The following EYS variants were observed in gnomAD, a reference collection of about 807,000 sequenced individuals.
The protein encoded by EYS is protein eyes shut homolog.
A neutral mutation model predicts 282.1 loss-of-function variants in EYS; 250 were observed. The observed-to-expected ratio is 0.89, with a 90% CI of 0.80 to 0.98. The LOEUF (loss-of-function observed/expected upper bound fraction) is 0.98. Ranked by LOEUF, EYS falls within the 50% of genes least tolerant of loss-of-function variation. The pLI is 0.00. For missense variants in EYS, 4,016 were observed against 3,709.0 expected (o/e 1.08, Z -2.15); for synonymous variants, 1,355 against 1,282.9 (o/e 1.06, Z -1.20).
chr6:64,256,885 A>G (rs1773364493), intron 30 of EYS, among the ~76,000 whole-genome samples: 1 of 152,068 alleles, frequency 6.6e-6, no homozygotes, highest in Admixed American at 6.6e-5. Flanking sequence ...CACGGATAAC[A>G]AGAAAAAAAT....
chr6:65,101,268 T>A (rs953522980), intron 12 of EYS, among the ~76,000 whole-genome samples: 2 of 151,188 alleles, frequency 1.3e-5, no homozygotes, highest in African/African-American at 4.8e-5. Context: ...TTGAAGTTTT[T>A]AAATTAGTTA....
intron 28 of EYS, among the ~76,000 whole-genome samples, chr6:64,416,472 A>C (rs1774060532): frequency 6.6e-6 from 1 of 151,470 alleles, no homozygotes; most frequent in African/African-American, 2.4e-5. Context: ...GTGTATGTGA[A>C]TGCATCTCTG....
chr6:65,683,271 T>C (rs1417712048), intron 1 of EYS, among the ~76,000 whole-genome samples: 1 of 152,004 alleles, frequency 6.6e-6, no homozygotes, highest in Admixed American at 6.6e-5. Flanking sequence ...AAAAATAGTC[T>C]AAAGTCAAAA....
intron 29 of EYS, among the ~76,000 whole-genome samples, chr6:64,342,249 C>A (rs1030263407): frequency 6.6e-6 from 1 of 151,406 alleles, no homozygotes; most frequent in African/African-American, 2.4e-5. Flanking sequence ...GTAATTTGGG[C>A]ACACATCTCT....
At chr6:64,625,045 T>C (rs1291555257) in intron 23 of EYS, among the ~76,000 whole-genome samples, 1 of 152,146 alleles carries the variant, frequency 6.6e-6, no homozygotes, top group African/African-American at 2.4e-5. Context: ...CAATAACTTT[T>C]TTTAAGTGAC....
chr6:65,639,510 G>A (rs2149812751), intron 2 of EYS, among the ~76,000 whole-genome samples: 1 of 152,054 alleles, frequency 6.6e-6, no homozygotes, highest in East Asian at 1.9e-4. Flanking sequence ...TTATCACAAA[G>A]TAACACCAAC....
intron 12 of EYS, among the ~76,000 whole-genome samples, chr6:65,189,680 C>T (rs1348922488): frequency 6.6e-6 from 1 of 151,612 alleles, no homozygotes; most frequent in Non-Finnish European, 1.5e-5. Context: ...GGTAATGCAC[C>T]TTCTTAGATC....
intron 5 of EYS, among the ~76,000 whole-genome samples, chr6:65,420,798 T>A (rs1488136176): frequency 6.6e-6 from 1 of 151,936 alleles, no homozygotes; most frequent in Admixed American, 6.6e-5. Context: ...ACAATATTTA[T>A]CTCCTTGTAT....
intron 33 of EYS, among the ~76,000 whole-genome samples, chr6:64,043,009 AG>A (rs1770459477): frequency 6.6e-6 from 1 of 152,172 alleles, no homozygotes; most frequent in Non-Finnish European, 1.5e-5. Flanking sequence ...CTCTGTGCTC[AG>A]TTTCCTCTTC....
intron 28 of EYS, among the ~76,000 whole-genome samples, chr6:64,425,052 G>C (rs1410860482): frequency 1.3e-5 from 2 of 152,174 alleles, no homozygotes; most frequent in African/African-American, 4.8e-5. Context: ...GAGATTAAGG[G>C]CTCTGGGGTA....
At chr6:65,266,995 G>T (rs1377711353) in intron 12 of EYS, among the ~76,000 whole-genome samples, 198 of 141,770 alleles carry the variant, frequency 1.4e-3, no homozygotes, top group African/African-American at 5.1e-3. Context: ...TATATAGAGA[G>T]AGAGAGAGAG....
intron 12 of EYS, among the ~76,000 whole-genome samples, chr6:65,226,906 G>T (rs1396668650): frequency 1.3e-5 from 2 of 152,048 alleles, no homozygotes; most frequent in Non-Finnish European, 1.5e-5. Context: ...ACAAAATGTG[G>T]CATAACAAAC....
intron 14 of EYS, among the ~76,000 whole-genome samples, chr6:64,983,271 ATT>A (rs1770741869): frequency 6.6e-6 from 1 of 151,262 alleles, no homozygotes; most frequent in African/African-American, 2.4e-5. Flanking sequence ...AAGTGATTTA[ATT>A]AACTGAAACT....
chr6:63,937,672 C>T (rs1286746148), intron 35 of EYS, among the ~76,000 whole-genome samples: 1 of 151,956 alleles, frequency 6.6e-6, no homozygotes, highest in Non-Finnish European at 1.5e-5. Context: ...TGAGCCACCG[C>T]GCCTGGCCAG....
At chr6:64,057,740 TTTA>T (rs1157626240) in intron 33 of EYS, among the ~76,000 whole-genome samples, 1 of 151,650 alleles carries the variant, frequency 6.6e-6, no homozygotes, top group African/African-American at 2.4e-5. Flanking sequence ...TATTTTAATT[TTTA>T]TTCTTATTTC....
At chr6:64,113,375 T>G (rs1164880422) in intron 31 of EYS, among the ~76,000 whole-genome samples, 3 of 152,194 alleles carry the variant, frequency 2.0e-5, no homozygotes, top group African/African-American at 7.2e-5. Context: ...ATGTAATCTT[T>G]TTAGCTTCAG....
chr6:64,804,882 A>G (rs930607122), intron 22 of EYS, among the ~76,000 whole-genome samples: 1 of 148,472 alleles, frequency 6.7e-6, no homozygotes, highest in Non-Finnish European at 1.5e-5. Context: ...ATTAAAATGT[A>G]TCACATACAT....
At chr6:64,756,459 T>C (rs1772939216) in intron 22 of EYS, among the ~76,000 whole-genome samples, 3 of 152,170 alleles carry the variant, frequency 2.0e-5, no homozygotes, top group African/African-American at 7.2e-5. Context: ...TAATGCCTTA[T>C]AGCCTGGTTT....
At chr6:65,670,387 T>C (rs1430437787) in intron 1 of EYS, among the ~76,000 whole-genome samples, 1 of 152,024 alleles carries the variant, frequency 6.6e-6, no homozygotes, top group Non-Finnish European at 1.5e-5. Context: ...AGGCATGAGG[T>C]ATTTCAACAT....
Sources: gnomAD v4.1 joint callset for allele counts (sites outside exome capture counted in the v4.1 genomes callset) on GRCh38, gnomAD v4.1.1 for gene constraint, MANE v1.5 for transcripts, NCBI Gene and HGNC (gene_info 2026-07-23, HGNC 2026-07-21) for gene names.